DPH6: variants seen among roughly 807,000 people sequenced by gnomAD.
DPH6 encodes diphthamine biosynthesis 6.
A neutral mutation model predicts 38.2 loss-of-function variants in DPH6; 33 were observed. The ratio of observed to expected loss-of-function variants is 0.86; its 90% CI spans 0.65 to 1.15. The LOEUF (loss-of-function observed/expected upper bound fraction) is 1.15. DPH6 is among the 50% of genes most tolerant of loss of function. The probability of loss-of-function intolerance (pLI) is 0.00; values close to 1 mark genes in which losing one functional copy is unlikely to be tolerated. For synonymous variants in DPH6, 108 were observed against 103.0 expected, an observed-to-expected ratio of 1.05 and a Z score of -0.30; for missense variants, 325 against 320.0, an observed-to-expected ratio of 1.02 and a Z score of -0.12.
At chr15:35,350,408 A>T in intron 3 of DPH6, among the ~76,000 whole-genome samples, 2 of 150,854 alleles carry the variant, frequency 1.3e-5, no homozygotes, top group Admixed American at 6.6e-5. Flanking sequence ...TAATTTTTAA[A>T]ATTGTTTTTA....
chr15:35,407,830 A>G (rs958437146), intron 6 of DPH6, among the ~76,000 whole-genome samples: 10 of 151,996 alleles, frequency 6.6e-5, no homozygotes, highest in Admixed American at 2.0e-4. Context: ...TGAGCCTGAA[A>G]AGGTGGATAG....
At chr15:35,303,176 T>C (rs992899253) in intron 3 of DPH6, among the ~76,000 whole-genome samples, 6 of 152,264 alleles carry the variant, frequency 3.9e-5, no homozygotes, top group African/African-American at 1.4e-4. Context: ...TCCATCATGA[T>C]GCTGTGGCAG....
Position 35,336,287 on chromosome 15 carries a change from C to T in DPH6, n.208-5210G>A, listed in dbSNP as rs1026875193. 4.6e-5 allele frequency among the ~76,000 whole-genome samples: 7 copies of T among 152,104 alleles called. No individual in the cohort carries two copies. The South Asian group carries it at 1.2e-3, about 27-fold the overall frequency. ...TGTTTTCCAACTTGGTTCCATTCTC[C>T]CCATCACTTTCAGGTACACCAATCA... On this transcript the variant is annotated intron_variant and non_coding_transcript_variant, in intron 3 of 3. Coordinates refer to the DPH6 transcript ENST00000558973.
At chr15:35,152,131 C>T in the DPH6 span, among the ~76,000 whole-genome samples, 2 of 152,116 alleles carry the variant, frequency 1.3e-5, no homozygotes, top group African/African-American at 2.4e-5. Flanking sequence ...GTTTTTGTGA[C>T]CAGAAATATG....
At chr15:35,383,641 T>C (rs1411104991) in intron 6 of DPH6, among the ~76,000 whole-genome samples, 1 of 152,198 alleles carries the variant, frequency 6.6e-6, no homozygotes, top group Non-Finnish European at 1.5e-5. Flanking sequence ...ACACATAGGT[T>C]CCAAGTCAAG....
chr15:35,304,808 A>G (rs1463847630), intron 3 of DPH6, among the ~76,000 whole-genome samples: 1 of 151,822 alleles, frequency 6.6e-6, no homozygotes, highest in Non-Finnish European at 1.5e-5. Context: ...AAAAAAAAAC[A>G]AAACTCAGCA....
intron 3 of DPH6, among the ~76,000 whole-genome samples, chr15:35,316,973 T>A (rs1424313298): frequency 6.6e-6 from 1 of 152,154 alleles, no homozygotes; most frequent in African/African-American, 2.4e-5. Flanking sequence ...AAAAACTCTC[T>A]AGGGCTGGGC....
chr15:35,289,021 C>G (rs533036830), intron 3 of DPH6, among the ~76,000 whole-genome samples: 26 of 149,838 alleles, frequency 1.7e-4, no homozygotes, highest in Non-Finnish European at 3.3e-4. Flanking sequence ...AAAAGAGGAA[C>G]TTGTATTTTT....
At chr15:35,300,858 A>G (rs1039331816) in intron 3 of DPH6, among the ~76,000 whole-genome samples, 3 of 152,152 alleles carry the variant, frequency 2.0e-5, no homozygotes, top group African/African-American at 7.2e-5. Context: ...CATCATTATG[A>G]TGAGTCCTGT....
chr15:35,267,832 T>C (rs2051792682), intron 3 of DPH6, among the ~76,000 whole-genome samples: 1 of 152,066 alleles, frequency 6.6e-6, no homozygotes, highest in Admixed American at 6.6e-5. Context: ...CAATATAACC[T>C]AATGGAAGCA....
At chr15:35,326,603 TA>T (rs1377849975), downstream of DPH6, among the ~76,000 whole-genome samples, 4 of 152,122 alleles carry the variant, frequency 2.6e-5, no homozygotes, top group South Asian at 8.3e-4. Flanking sequence ...AGCTAATTTT[TA>T]AAAAAATTTT....
the DPH6 span, among the ~76,000 whole-genome samples, chr15:35,150,963 G>A: frequency 6.6e-6 from 1 of 152,204 alleles, no homozygotes; most frequent in African/African-American, 2.4e-5. Flanking sequence ...CAAATTCAAT[G>A]GCTATATCTT....
At chr15:35,522,213 A>G in intron 3 of DPH6, 2 of 1,613,360 alleles carry the variant, frequency 1.2e-6, no homozygotes, top group Non-Finnish European at 1.7e-6. Context: ...CCACTTTCAA[A>G]TGCATGTGAA....
chr15:35,386,447 A>G (rs2052959270), intron 6 of DPH6, among the ~76,000 whole-genome samples: 1 of 152,166 alleles, frequency 6.6e-6, no homozygotes, highest in Admixed American at 6.5e-5. Context: ...TGGTTGAACT[A>G]GTTTACAGTC....
intron 3 of DPH6, among the ~76,000 whole-genome samples, chr15:35,306,740 T>C (rs552877011): frequency 6.6e-6 from 1 of 152,196 alleles, no homozygotes; most frequent in South Asian, 2.1e-4. Context: ...TTGGACTTTA[T>C]CTCCAAATAG....
At position 35,489,396 on chromosome 15, in the gene DPH6, T is replaced by G. The variant is rs999596362; in HGVS notation, c.313-34576A>C. On this transcript the variant is annotated intron_variant, in intron 3 of 8. Transcript: ENST00000256538. ...AAATTTTTTTCTGTCCTTGAAACTT[T>G]TTGAATCTTAAACTAGCTTAACTTT... 7 of 985,266 alleles carry G rather than the reference T, an allele frequency of 7.1e-6. No homozygotes were observed. The African/African-American group carries it at 1.2e-4, about 17-fold the overall frequency. The allele number at this position is 985,266 out of a possible 1,614,324, so 61.0% of individuals were successfully genotyped here.
chr15:35,172,429 G>A, the DPH6 span, among the ~76,000 whole-genome samples: 8 of 152,210 alleles, frequency 5.3e-5, no homozygotes, highest in African/African-American at 9.6e-5. Context: ...AGAGCATGTC[G>A]GATTTTAAAT....
rs1010070920 is a variant in DPH6 at position 35,371,697 on chromosome 15, T to C, written c.*453A>G. On this transcript the variant is annotated 3_prime_UTR_variant, in exon 9 of 9. Coordinates refer to ENST00000256538, the MANE Select transcript of DPH6 (RefSeq NM_080650.4). ...ATATATTTAAAATAAAAATGATAAA[T>C]CGCTTTGGCGACACCCAGTAGAATA... 3 of 985,628 alleles carry C rather than the reference T, an allele frequency of 3.0e-6. No homozygotes were observed. In the African/African-American group the frequency reaches 5.2e-5, roughly 17 times the overall value. 61.1% of individuals were successfully genotyped at this position (985,628 alleles called of 1,614,324 possible). A position where few individuals can be genotyped will look rare whatever the true frequency, so the allele number is the denominator to read the frequency against.
chr15:35,231,556 T>C (rs1344937696), intron 3 of DPH6, among the ~76,000 whole-genome samples: 1 of 152,220 alleles, frequency 6.6e-6, no homozygotes, highest in Non-Finnish European at 1.5e-5. Context: ...TTGTTGCGGG[T>C]GGACAATCAG....
Sources: gnomAD v4.1 joint callset for allele counts (sites outside exome capture counted in the v4.1 genomes callset) on GRCh38, gnomAD v4.1.1 for gene constraint, MANE v1.5 for transcripts, NCBI Gene and HGNC (gene_info 2026-07-23, HGNC 2026-07-21) for gene names.